Variants in GPC3 observed in about 807,000 individuals in gnomAD.
GPC3 encodes glypican 3.
A neutral mutation model predicts 34.4 loss-of-function variants in GPC3; 3 were observed. That is an observed-to-expected ratio of 0.09 (90% CI 0.04 to 0.23). The LOEUF is 0.23. Ranked by LOEUF, GPC3 falls within the 10% of genes least tolerant of loss-of-function variation. The pLI is 1.00. For synonymous variants in GPC3, 177 were observed against 174.0 expected (o/e 1.02, Z -0.13); for missense variants, 351 against 445.6 (o/e 0.79, Z 1.91).
At chrX:133,705,054 T>A (rs2071202195) in intron 3 of GPC3, among the ~76,000 whole-genome samples, 1 of 111,725 alleles carries the variant, frequency 9.0e-6, no homozygotes, top group Admixed American at 9.5e-5. Flanking sequence ...TATCAAAAGC[T>A]TCTCAACAAT....
chrX:133,537,502 G>A (rs1230552760), intron 7 of GPC3, among the ~76,000 whole-genome samples: 1 of 111,548 alleles, frequency 9.0e-6, no homozygotes, highest in African/African-American at 3.3e-5. Context: ...GTCCAGTACA[G>A]AGCAGGGCCC....
At chrX:133,556,021 T>C (rs937459039) in intron 7 of GPC3, among the ~76,000 whole-genome samples, 2 of 110,635 alleles carry the variant, frequency 1.8e-5, no homozygotes, top group Non-Finnish European at 3.8e-5. Context: ...TGTAATTAAT[T>C]ACCCCATCCT....
At chrX:133,660,361 C>A (rs139149591) in intron 6 of GPC3, among the ~76,000 whole-genome samples, 1,796 of 112,471 alleles carry the variant, frequency 0.016, 30 homozygotes, top group African/African-American at 0.055. Flanking sequence ...ATGCCACAGT[C>A]CTCCCACCCA....
chrX:133,637,325 G>A (rs896668202), intron 6 of GPC3, among the ~76,000 whole-genome samples: 2 of 110,294 alleles, frequency 1.8e-5, no homozygotes, highest in African/African-American at 3.3e-5. Flanking sequence ...AAAATTAGCC[G>A]GAAATCGCTT....
intron 2 of GPC3, among the ~76,000 whole-genome samples, chrX:133,805,146 T>G (rs1016616146): frequency 8.9e-6 from 1 of 112,148 alleles, no homozygotes; most frequent in Admixed American, 9.5e-5. Flanking sequence ...GTAGTAGACT[T>G]TGTTTAATTA....
intron 2 of GPC3, among the ~76,000 whole-genome samples, chrX:133,901,794 TTTC>T (rs1182123093): frequency 8.9e-6 from 1 of 112,260 alleles, no homozygotes; most frequent in Admixed American, 9.5e-5. Flanking sequence ...GAAAAGGTAA[TTTC>T]TTATTTCAGA....
intron 2 of GPC3, among the ~76,000 whole-genome samples, chrX:133,839,373 G>C (rs1395043611): frequency 1.8e-5 from 2 of 111,801 alleles, no homozygotes; most frequent in African/African-American, 6.5e-5. Flanking sequence ...TTTTAAACAA[G>C]TTGGATGTGT....
At chrX:133,584,930 C>CAAAAAAA (rs68159308) in intron 7 of GPC3, among the ~76,000 whole-genome samples, 45 of 68,111 alleles carry the variant, frequency 6.6e-4, no homozygotes, top group Non-Finnish European at 9.1e-4. Flanking sequence ...TATAAAAAGC[C>CAAAAAAA]AAAAAAAAAA....
intron 6 of GPC3, among the ~76,000 whole-genome samples, chrX:133,644,170 T>C (rs2070517911): frequency 9.0e-6 from 1 of 111,057 alleles, no homozygotes; most frequent in Non-Finnish European, 1.9e-5. Flanking sequence ...AATATCCTTA[T>C]ACATACATCT....
chrX:133,556,169 T>C (rs777779094), intron 7 of GPC3, among the ~76,000 whole-genome samples: 1 of 112,055 alleles, frequency 8.9e-6, no homozygotes, highest in Non-Finnish European at 1.9e-5. Flanking sequence ...CAAATCATCC[T>C]CCCTGAACTC....
intron 2 of GPC3, among the ~76,000 whole-genome samples, chrX:133,760,647 G>A (rs1160722819): frequency 9.0e-6 from 1 of 111,588 alleles, no homozygotes; most frequent in Non-Finnish European, 1.9e-5. Context: ...GAAAGTAAGT[G>A]AAGCATGGGA....
At chrX:133,811,449 T>TCTTG (rs2075665458) in intron 2 of GPC3, among the ~76,000 whole-genome samples, 1 of 111,881 alleles carries the variant, frequency 8.9e-6, no homozygotes, top group Non-Finnish European at 1.9e-5. Flanking sequence ...TTGTTTTGTT[T>TCTTG]TTTGTTTTTC....
chrX:133,624,638 T>A (rs1226477326), intron 6 of GPC3, among the ~76,000 whole-genome samples: 2 of 110,942 alleles, frequency 1.8e-5, no homozygotes, highest in African/African-American at 6.6e-5. Flanking sequence ...AATAGACCAA[T>A]AACAGTCTCT....
chrX:133,930,363 C>T (rs959142195), intron 2 of GPC3, among the ~76,000 whole-genome samples: 1 of 112,196 alleles, frequency 8.9e-6, no homozygotes, highest in Non-Finnish European at 1.9e-5. Context: ...AAAGAATTAC[C>T]TTGTCCCAAA....
rs151157758 is a variant in GPC3, at chrX:133,741,281, CAAAAAAA to C, written c.1032+12194_1032+12200del. 4.4e-4 allele frequency among the ~76,000 whole-genome samples: 22 copies of C among 49,566 alleles called. No individual in the cohort carries two copies. The East Asian group carries it at 9.9e-3, about 22-fold the overall frequency. The allele number at this position is 49,566 out of a possible 115,157, so 43.0% of individuals were successfully genotyped here. ...GAAAATAAACTTCTGTTGTTTAAGC[CAAAAAAA>C]AAAAAAAAAGAAAGAAAACTTTAAT... On this transcript the variant is annotated intron_variant, in intron 3 of 7. Transcript: ENST00000370818.
rs188059249 is a variant in GPC3, at chrX:133,902,740, A to G, written c.337+50310T>C. On this transcript the variant is annotated intron_variant, in intron 2 of 7. Transcript: ENST00000370818. ...CCTGTCTCAAAAAGAAAAAGAAAAA[A>G]AGAAATTTTAGGATATGTAAAACAA... Among the ~76,000 whole-genome samples, 122 of 111,878 alleles carry G rather than the reference A, an allele frequency of 1.1e-3. No homozygotes were observed. In the South Asian group the frequency reaches 0.013, roughly 12 times the overall value.
At chrX:133,667,883 T>C (rs2070783950) in intron 5 of GPC3, among the ~76,000 whole-genome samples, 1 of 107,980 alleles carries the variant, frequency 9.3e-6, no homozygotes, top group African/African-American at 3.4e-5. Flanking sequence ...TATATATGTA[T>C]ATGTATATAT....
At chrX:133,751,346 C>A (rs2071666685) in intron 3 of GPC3, among the ~76,000 whole-genome samples, 1 of 111,709 alleles carries the variant, frequency 9.0e-6, no homozygotes, top group Non-Finnish European at 1.9e-5. Context: ...AATGCATTTA[C>A]TTTTTCTAGT....
intron 2 of GPC3, among the ~76,000 whole-genome samples, chrX:133,771,833 G>A (rs1265591207): frequency 8.9e-6 from 1 of 111,957 alleles, no homozygotes; most frequent in Non-Finnish European, 1.9e-5. Flanking sequence ...TTAGTGCTGT[G>A]TGGTCTTGGC....
Sources: allele counts gnomAD v4.1 joint callset (sites outside exome capture counted in the v4.1 genomes callset), GRCh38; gene constraint gnomAD v4.1.1; transcripts MANE v1.5; gene names NCBI Gene and HGNC (gene_info 2026-07-23, HGNC 2026-07-21).